The following CA10 variants were observed in gnomAD, a reference collection of about 807,000 sequenced individuals.
The protein encoded by CA10 is carbonic anhydrase 10 (inactive).
CA10 carries 14 observed loss-of-function variants against 44.2 expected under a neutral mutation model. That is an observed-to-expected ratio of 0.32 (90% confidence interval 0.21 to 0.50). CA10 has a LOEUF of 0.50. Ranked by LOEUF, CA10 falls within the 20% of genes least tolerant of loss-of-function variation. The probability of loss-of-function intolerance (pLI) is 0.99; values close to 1 mark genes in which losing one functional copy is unlikely to be tolerated. For synonymous variants in CA10, 159 were observed against 141.6 expected (o/e 1.12, Z -0.87); for missense variants, 350 against 409.7 (o/e 0.85, Z 1.26).
At chr17:52,072,190 T>G in intron 2 of CA10, 129 bp downstream of exon 2, 1 of 620,172 alleles carries the variant, frequency 1.6e-6, no homozygotes, top group Non-Finnish European at 2.8e-6. Flanking sequence ...AAACTTTGTC[T>G]TGATGGAGTA....
intron 2 of CA10, among the ~76,000 whole-genome samples, chr17:52,022,803 A>G (rs1986184792): frequency 6.6e-6 from 1 of 152,112 alleles, no homozygotes; most frequent in African/African-American, 2.4e-5. Context: ...TACTATTTCT[A>G]TACACTGATA....
At chr17:51,786,036 G>C (rs7224383) in intron 3 of CA10, among the ~76,000 whole-genome samples, 2 of 151,938 alleles carry the variant, frequency 1.3e-5, no homozygotes, top group East Asian at 3.9e-4. Context: ...CACTTATTTG[G>C]TATTTAAATT....
At chr17:51,910,599 T>C (rs1352761630) in intron 3 of CA10, among the ~76,000 whole-genome samples, 3 of 152,176 alleles carry the variant, frequency 2.0e-5, no homozygotes, top group Admixed American at 2.0e-4. Flanking sequence ...TCCTCTAACT[T>C]TATTACAAGT....
At chr17:51,792,036 G>C (rs555774315) in intron 3 of CA10, among the ~76,000 whole-genome samples, 87 of 152,296 alleles carry the variant, frequency 5.7e-4, no homozygotes, top group African/African-American at 1.8e-3. Context: ...GGGAAGGAAG[G>C]AGACAACAAG....
chr17:51,774,180 G>A (rs949171027), intron 3 of CA10, among the ~76,000 whole-genome samples: 1 of 152,054 alleles, frequency 6.6e-6, no homozygotes, highest in Non-Finnish European at 1.5e-5. Flanking sequence ...AATACAAAAG[G>A]TGCAATTTAT....
chr17:51,682,354 C>T lies in CA10; in HGVS notation c.466-28618G>A, dbSNP rs574508817. On this transcript the variant is annotated intron_variant, in intron 4 of 8. Transcript: ENST00000451037. ...AACCGCTGGCAAAATGAAACTTCCC[C>T]TGGCCACTGTGAGGAGGCTGAATTT... Among the ~76,000 whole-genome samples the T allele has an allele frequency of 2.6e-5, 4 of 152,316 alleles. No homozygotes were observed. The East Asian group carries it at 7.7e-4, about 29-fold the overall frequency.
chr17:51,757,398 C>T (rs1232029713), intron 3 of CA10, among the ~76,000 whole-genome samples: 2 of 152,190 alleles, frequency 1.3e-5, no homozygotes, highest in Non-Finnish European at 2.9e-5. Context: ...CTTCAGAGAT[C>T]ATCAAGCTCT....
In CA10 at chr17:51,725,646, G is replaced by C. The variant is rs145629864; in HGVS notation, c.465+21987C>G. Among the ~76,000 whole-genome samples, 647 of 152,302 alleles carry C rather than the reference G, an allele frequency of 4.2e-3. 4 individuals carry two copies. Among genetic ancestry groups the C allele is most frequent in the African/African-American group, 0.014 (599 of 41,562 alleles). On this transcript the variant is annotated intron_variant, in intron 4 of 8. Transcript: ENST00000451037. ...TTCTCTCTCCTTCTCCAGCATCCTG[G>C]GGGGGTGTGTCAGCTCACTGAGAGA...
In CA10 at chr17:51,960,946, A is replaced by G. The variant is rs75808634; in HGVS notation, c.137-29814T>C. On this transcript the variant is annotated intron_variant, in intron 2 of 8. Transcript: ENST00000451037. ...TGTGAGGTATTTTGTAGACATGATT[A>G]CTGTATAATTATTTTGCTTTAAGCA... Among the ~76,000 whole-genome samples the G allele has an allele frequency of 9.7e-3, 1,481 of 152,280 alleles. 23 individuals carry two copies. The highest frequency in any genetic ancestry group is 0.033 in the African/African-American group (1,381 of 41,560).
intron 1 of CA10, among the ~76,000 whole-genome samples, chr17:52,141,553 T>C (rs1384492849): frequency 1.3e-5 from 2 of 152,182 alleles, no homozygotes; most frequent in African/African-American, 4.8e-5. Flanking sequence ...TTGCAGGCAG[T>C]ATGGTCTCTG....
At chr17:51,663,213 G>A (rs77868840) in intron 4 of CA10, among the ~76,000 whole-genome samples, 121,027 of 142,224 alleles carry the variant, frequency 0.85, 50,029 homozygotes, top group East Asian at 0.94. Flanking sequence ...TTTTTTCCCG[G>A]AACTTGGAAT....
intron 1 of CA10, among the ~76,000 whole-genome samples, chr17:52,133,730 C>T (rs915059210): frequency 6.6e-6 from 1 of 152,142 alleles, no homozygotes; most frequent in Non-Finnish European, 1.5e-5. Flanking sequence ...TAGCATATTT[C>T]AAAATATTGT....
At chr17:51,749,966 C>T (rs1904836206) in intron 3 of CA10, among the ~76,000 whole-genome samples, 1 of 152,196 alleles carries the variant, frequency 6.6e-6, no homozygotes, top group Non-Finnish European at 1.5e-5. Flanking sequence ...CTATTCCTTG[C>T]AACCAAATGA....
intron 4 of CA10, among the ~76,000 whole-genome samples, chr17:51,690,906 C>T (rs1192745906): frequency 2.0e-5 from 3 of 148,188 alleles, no homozygotes; most frequent in Non-Finnish European, 4.4e-5. Context: ...GACAGAATTT[C>T]CTTCCTTTTT....
chr17:51,982,830 G>A (rs912734896), intron 2 of CA10, among the ~76,000 whole-genome samples: 8 of 151,686 alleles, frequency 5.3e-5, no homozygotes, highest in Non-Finnish European at 1.0e-4. Context: ...ATTAATCTTT[G>A]TCCCTGGGGT....
At chr17:52,024,243 A>G (rs1055618935) in intron 2 of CA10, among the ~76,000 whole-genome samples, 14 of 152,238 alleles carry the variant, frequency 9.2e-5, no homozygotes, top group African/African-American at 3.1e-4. Context: ...TCCCCGTTTG[A>G]GGTGATACTT....
chr17:51,955,624 G>A (rs968605543), intron 2 of CA10, among the ~76,000 whole-genome samples: 1 of 152,048 alleles, frequency 6.6e-6, no homozygotes, highest in African/African-American at 2.4e-5. Flanking sequence ...CAGCCAAAAT[G>A]AATCACTCCC....
chr17:51,844,197 T>G (rs999125308), intron 3 of CA10, among the ~76,000 whole-genome samples: 4 of 152,130 alleles, frequency 2.6e-5, no homozygotes, highest in African/African-American at 9.7e-5. Context: ...AATGATAGTT[T>G]AGGCTTCCAG....
intron 2 of CA10, among the ~76,000 whole-genome samples, chr17:52,046,142 A>T (rs1413149111): frequency 2.0e-5 from 3 of 151,880 alleles, no homozygotes; most frequent in Admixed American, 2.0e-4. Flanking sequence ...CAAGGTTTTT[A>T]GCTTTCAGCT....
Sources: gnomAD v4.1 joint callset for allele counts (sites outside exome capture counted in the v4.1 genomes callset) on GRCh38, gnomAD v4.1.1 for gene constraint, MANE v1.5 for transcripts, NCBI Gene and HGNC (gene_info 2026-07-23, HGNC 2026-07-21) for gene names.